Variants in TRMT6 observed in about 807,000 individuals in gnomAD.
TRMT6 encodes tRNA (adenine(58)-N(1))-methyltransferase non-catalytic subunit TRM6.
In TRMT6, 34 loss-of-function variants were observed where a neutral mutation model predicts 59.0. That is an observed-to-expected ratio of 0.58 (90% confidence interval 0.44 to 0.77). TRMT6 has a LOEUF of 0.77. Ranked by LOEUF, TRMT6 falls within the 30% of genes least tolerant of loss-of-function variation. TRMT6 has a pLI of 0.00. For missense variants in TRMT6, 575 were observed against 604.5 expected, an observed-to-expected ratio of 0.95 and a Z score of 0.51; for synonymous variants, 217 against 210.5, an observed-to-expected ratio of 1.03 and a Z score of -0.27.
In TRMT6 at chr20:5,941,099, C is replaced by T. The variant is rs1445274326; in HGVS notation, c.1256G>A (p.Gly419Glu). 3 of 1,613,984 alleles carry T rather than the reference C, an allele frequency of 1.9e-6. No individual in the cohort carries two copies. Among genetic ancestry groups the T allele is most frequent in the Non-Finnish European group, 2.5e-6 (3 of 1,180,012 alleles). ...TTCAGACAGCCTGAGGTTGATGACC[C>T]CTCCCCTCTCCCGCAGTTTTGTGTA... ...ECYTKLRERG[G>E]VINLRLSETW... Residue 419 changes from glycine to glutamate, a missense_variant, in exon 10 of 11, where the codon GGG becomes GAG. By Grantham distance (98) the Gly-to-Glu change is moderately conservative (BLOSUM62 -2). Transcript: ENST00000203001.
intron 10 of TRMT6, among the ~76,000 whole-genome samples, chr20:5,940,031 C>A: frequency 6.6e-6 from 1 of 152,192 alleles, no homozygotes; most frequent in East Asian, 1.9e-4. Flanking sequence ...AGTAACTGAG[C>A]ATGGGTACCA....
intron 5 of TRMT6, 55 bp downstream of exon 5, chr20:5,943,893 C>T: frequency 3.2e-6 from 5 of 1,575,654 alleles, no homozygotes; most frequent in Non-Finnish European, 3.4e-6. Flanking sequence ...AAAATCATGA[C>T]TTTCTTAAAG....
At chr20:5,941,928 C>T (rs770852225) in intron 8 of TRMT6, 23 bp downstream of exon 8, 1 of 1,604,758 alleles carries the variant, frequency 6.2e-7, no homozygotes, top group Non-Finnish European at 8.5e-7. Flanking sequence ...TGAGGAGTCT[C>T]CTGCCTTCTT....
intron 6 of TRMT6, 117 bp from the exon 7 acceptor site, chr20:5,942,903 A>G: frequency 1.3e-6 from 1 of 781,738 alleles, no homozygotes; most frequent in Non-Finnish European, 2.1e-6. Context: ...CTTTATTCAG[A>G]GGCTGAAGGA....
chr20:5,940,748 G>A (rs1457208402), intron 10 of TRMT6, among the ~76,000 whole-genome samples: 1 of 152,180 alleles, frequency 6.6e-6, no homozygotes. Context: ...CTCCTGAGTA[G>A]CTGGGACTAC....
intron 10 of TRMT6, among the ~76,000 whole-genome samples, chr20:5,940,761 G>T (rs1001425755): frequency 1.3e-5 from 2 of 152,122 alleles, no homozygotes; most frequent in Non-Finnish European, 2.9e-5. Flanking sequence ...GGGACTACAG[G>T]CACCTGCCAC....
At chr20:5,948,927 G>A (rs1035122409) in intron 1 of TRMT6, among the ~76,000 whole-genome samples, 1 of 152,106 alleles carries the variant, frequency 6.6e-6, no homozygotes, top group South Asian at 2.1e-4. Flanking sequence ...CTTAAACCAG[G>A]AGTAAAAGAA....
chr20:5,945,753 A>G (rs565397168), intron 2 of TRMT6, among the ~76,000 whole-genome samples: 1 of 152,332 alleles, frequency 6.6e-6, no homozygotes, highest in South Asian at 2.1e-4. Context: ...AATTAATAAG[A>G]TACTCTCAAT....
intron 8 of TRMT6, chr20:5,941,748 T>G: frequency 1.7e-6 from 1 of 593,056 alleles, no homozygotes; most frequent in Non-Finnish European, 3.0e-6. Context: ...AAGATTCAAT[T>G]TCTTCTGAAA....
chr20:5,940,808 G>A (rs2088649243), intron 10 of TRMT6, among the ~76,000 whole-genome samples: 1 of 147,194 alleles, frequency 6.8e-6, no homozygotes, highest in African/African-American at 2.7e-5. Context: ...TGTAGATACA[G>A]GGTCATGCCC....
In TRMT6 at chr20:5,946,417, T is replaced by A. The variant is rs144856420; in HGVS notation, c.245A>T (p.Glu82Val). The A allele has an allele frequency of 2.5e-6, 4 of 1,613,974 alleles. No homozygotes were observed. The African/African-American group carries it at 5.3e-5, about 22-fold the overall frequency. ...TCCAAAATGTGCACCTGCAGTAGGC[T>A]CTTCCCTCTTCTTCTTGGGCTGTAG... ...GSLQPKKKRE[E>V]PTAETKEAGT... is the part of the protein sequence containing the mutation. Residue 82 changes from glutamate (E) to valine (V), a missense_variant, in exon 2 of 11, where the codon GAG becomes GTG. Physicochemically the swap from Glu to Val is moderately radical, Grantham distance 121. Transcript: ENST00000203001.
In TRMT6 at chr20:5,943,565, T is replaced by G; in HGVS notation, c.661A>C (p.Met221Leu). 1 of 1,614,098 alleles carries G rather than the reference T, an allele frequency of 6.2e-7. No individual in the cohort carries two copies. Among genetic ancestry groups the G allele is most frequent in the Middle Eastern group, 1.6e-4 (1 of 6,062 alleles). ...TGGAAATATTAAATCTTACCTCCCA[T>G]TCGTTCCATCATTGCACCCAGCACC... ...GLVLGAMMER[M>L]GGFGSIIQLY... is the part of the protein sequence containing the mutation. Residue 221 changes from methionine to leucine, a missense_variant, in exon 6 of 11, where the codon ATG becomes CTG. Physicochemically the swap from Met to Leu is conservative, Grantham distance 15. Transcript: ENST00000203001.
At chr20:5,949,768 A>AT (rs1395024040) in intron 1 of TRMT6, among the ~76,000 whole-genome samples, 1 of 151,940 alleles carries the variant, frequency 6.6e-6, no homozygotes, top group African/African-American at 2.4e-5. Flanking sequence ...TGACTGGGGG[A>AT]TTAGGGAAGA....
chr20:5,943,586 G>A lies in TRMT6; in HGVS notation c.640C>T (p.Leu214=), dbSNP rs76084941. ...IVMETCAGLV[L]GAMMERMGGF... ...CCCATTCGTTCCATCATTGCACCCA[G>A]CACCAAGCCTGCACACGTTTCCATC... Residue 214 remains leucine (L), a synonymous_variant, in exon 6 of 11, where the codon CTG becomes TTG. Coordinates refer to ENST00000203001, the MANE Select transcript of TRMT6 (RefSeq NM_015939.5). 1,181 of 1,614,154 alleles carry A rather than the reference G, an allele frequency of 7.3e-4. 5 individuals carry two copies. In the African/African-American group the frequency reaches 0.012, roughly 17 times the overall value.
chr20:5,948,299 A>C (rs1471561147), intron 1 of TRMT6, among the ~76,000 whole-genome samples: 1 of 152,186 alleles, frequency 6.6e-6, no homozygotes, highest in Non-Finnish European at 1.5e-5. Context: ...TAAGGAGGCC[A>C]CATCTTTACT....
intron 1 of TRMT6, among the ~76,000 whole-genome samples, chr20:5,948,532 C>T (rs757853515): frequency 2.0e-5 from 3 of 152,082 alleles, no homozygotes; most frequent in Non-Finnish European, 2.9e-5. Flanking sequence ...GCAGTGGTCT[C>T]CAACCCTTTT....
intron 7 of TRMT6, 116 bp from the exon 8 acceptor site, chr20:5,942,152 G>T: frequency 1.0e-6 from 1 of 953,952 alleles, no homozygotes; most frequent in Non-Finnish European, 1.6e-6. Flanking sequence ...TAAACCAATA[G>T]AAGCAGGTTG....
rs145849186 is a variant in TRMT6 at position 5,944,067 on chromosome 20, A to T, written c.459-36T>A. The T allele has an allele frequency of 7.7e-4, 1,130 of 1,467,622 alleles. 5 individuals carry two copies. In the African/African-American group the frequency reaches 0.015, roughly 19 times the overall value. The allele number at this position is 1,467,622 out of a possible 1,614,324, so 90.9% of individuals were successfully genotyped here. ...AAAAAACAGAACGCTGATTTAAAAA[A>T]ATGACTTAAAATATTTTATTTGTAA... On this transcript the variant is annotated intron_variant, in intron 4 of 10. Coordinates refer to ENST00000203001, the MANE Select transcript of TRMT6 (RefSeq NM_015939.5).
chr20:5,948,392 G>A (rs1477980280), intron 1 of TRMT6, among the ~76,000 whole-genome samples: 1 of 152,206 alleles, frequency 6.6e-6, no homozygotes, highest in Admixed American at 6.5e-5. Flanking sequence ...AGCCCCAAGG[G>A]TGATGAGGGA....
Sources: gnomAD v4.1 joint callset for allele counts (sites outside exome capture counted in the v4.1 genomes callset) on GRCh38, gnomAD v4.1.1 for gene constraint, MANE v1.5 for transcripts, NCBI Gene and HGNC (gene_info 2026-07-23, HGNC 2026-07-21) for gene names.